SLC4A4: variants seen among roughly 807,000 people sequenced by gnomAD.
SLC4A4 encodes the protein electrogenic sodium bicarbonate cotransporter 1.
Under a neutral mutation model 111.5 loss-of-function variants are expected in SLC4A4, and 27 were observed. That is an observed-to-expected ratio of 0.24 (90% CI 0.18 to 0.33). SLC4A4 has a LOEUF of 0.33. SLC4A4 is among the 10% of genes least tolerant of loss of function. The probability of loss-of-function intolerance (pLI) is 1.00; values close to 1 mark genes in which losing one functional copy is unlikely to be tolerated. For missense variants in SLC4A4, 909 were observed against 1,315.5 expected (o/e 0.69, Z 4.78); for synonymous variants, 443 against 463.4 (o/e 0.96, Z 0.57).
chr4:71,239,065 C>G (rs922355485), intron 2 of SLC4A4, among the ~76,000 whole-genome samples: 6 of 152,150 alleles, frequency 3.9e-5, no homozygotes, highest in African/African-American at 1.4e-4. Flanking sequence ...ACTGTTATCT[C>G]TATTCTAAAG....
intron 1 of SLC4A4, among the ~76,000 whole-genome samples, chr4:71,207,492 C>T (rs188740409): frequency 6.6e-6 from 1 of 152,274 alleles, no homozygotes; most frequent in Admixed American, 6.5e-5. Flanking sequence ...ACTATGATTT[C>T]CCAACATTTG....
chr4:71,263,131 T>A (rs187266237), intron 3 of SLC4A4, among the ~76,000 whole-genome samples: 166 of 151,466 alleles, frequency 1.1e-3, no homozygotes, highest in Admixed American at 1.8e-3. Flanking sequence ...ACAATCCTTC[T>A]ATTGCTCATC....
At chr4:71,204,373 T>C (rs1433354072) in intron 1 of SLC4A4, among the ~76,000 whole-genome samples, 2 of 152,156 alleles carry the variant, frequency 1.3e-5, no homozygotes, top group Non-Finnish European at 2.9e-5. Context: ...TTGATTTTTA[T>C]TTTTAGAGGT....
At chr4:71,508,952 T>C (rs115192654) in intron 16 of SLC4A4, among the ~76,000 whole-genome samples, 1,570 of 152,260 alleles carry the variant, frequency 0.01, 21 homozygotes, top group Non-Finnish European at 0.015. Flanking sequence ...GTTCAACATA[T>C]ACAAATCAAG....
In SLC4A4 at chr4:71,089,694, G is replaced by A. The variant is rs562381303; in HGVS notation, c.-64-3036G>A. 7.2e-5 allele frequency among the ~76,000 whole-genome samples: 11 copies of A among 152,064 alleles called. No individual in the cohort carries two copies. The East Asian group carries it at 7.7e-4, about 11-fold the overall frequency. ...CCCTGTTTGCCTAGGTATCTGCAGC[G>A]GAGGCTGCAGAACAGTGGATATTGG... On this transcript the variant is annotated intron_variant, in intron 1 of 26. Transcript: ENST00000649996.
chr4:71,460,946 T>C (rs541541795), intron 12 of SLC4A4, among the ~76,000 whole-genome samples: 1 of 152,260 alleles, frequency 6.6e-6, no homozygotes, highest in South Asian at 2.1e-4. Flanking sequence ...GAATCATTTC[T>C]CCACTTATTT....
At chr4:71,091,917 C>A (rs1742403217) in intron 1 of SLC4A4, among the ~76,000 whole-genome samples, 1 of 152,274 alleles carries the variant, frequency 6.6e-6, no homozygotes, top group South Asian at 2.1e-4. Context: ...CATATTAAAT[C>A]TTTGAGAACT....
At chr4:71,309,811 CA>C (rs1408415412) in intron 3 of SLC4A4, among the ~76,000 whole-genome samples, 2 of 151,962 alleles carry the variant, frequency 1.3e-5, no homozygotes, top group Non-Finnish European at 2.9e-5. Context: ...AGCAAGGGCA[CA>C]AAATGGGACA....
intron 2 of SLC4A4, among the ~76,000 whole-genome samples, chr4:71,164,320 G>C (rs1357555725): frequency 6.6e-6 from 1 of 151,066 alleles, no homozygotes; most frequent in Non-Finnish European, 1.5e-5. Flanking sequence ...GGTGGAGGTT[G>C]TAGGGAGCCG....
intron 2 of SLC4A4, among the ~76,000 whole-genome samples, chr4:71,146,128 A>G (rs2148969172): frequency 6.6e-6 from 1 of 152,332 alleles, no homozygotes; most frequent in East Asian, 1.9e-4. Flanking sequence ...AATGTGTCCC[A>G]GAGATTCTGG....
chr4:71,136,428 C>T (rs1297796822), intron 2 of SLC4A4, among the ~76,000 whole-genome samples: 3 of 152,128 alleles, frequency 2.0e-5, no homozygotes, highest in Non-Finnish European at 2.9e-5. Flanking sequence ...TAATTTTTGC[C>T]CTTTAGTGAC....
At chr4:71,096,556 A>T (rs34721780) in intron 2 of SLC4A4, among the ~76,000 whole-genome samples, 12,782 of 152,274 alleles carry the variant, frequency 0.084, 623 homozygotes, top group South Asian at 0.15. Context: ...TGCAATATTT[A>T]AAAAAATCGT....
At chr4:71,268,072 A>C (rs1203701331) in intron 3 of SLC4A4, among the ~76,000 whole-genome samples, 1 of 50,988 alleles carries the variant, frequency 2.0e-5, no homozygotes, top group African/African-American at 5.4e-5. Flanking sequence ...CAAATAAAGT[A>C]GTGTTTTTTT....
At chr4:71,382,031 G>A (rs1718191980) in intron 6 of SLC4A4, among the ~76,000 whole-genome samples, 8 of 152,122 alleles carry the variant, frequency 5.3e-5, no homozygotes, top group Admixed American at 5.2e-4. Context: ...CTGGAGAAAA[G>A]GCAGCTTAGT....
chr4:71,191,723 G>T (rs1038830948), intron 1 of SLC4A4, among the ~76,000 whole-genome samples: 1 of 152,134 alleles, frequency 6.6e-6, no homozygotes, highest in Non-Finnish European at 1.5e-5. Flanking sequence ...ACCAGTTTTA[G>T]CTACCATCTT....
At chr4:71,513,153 A>T (rs181218977) in intron 16 of SLC4A4, among the ~76,000 whole-genome samples, 1 of 151,234 alleles carries the variant, frequency 6.6e-6, no homozygotes, top group East Asian at 1.9e-4. Flanking sequence ...ATTAAATAGG[A>T]TTTTTTTTTC....
rs536432297 is a variant in SLC4A4 at position 71,451,137 on chromosome 4, C to A, written c.1209-51C>A. 1.9e-5 allele frequency: 22 copies of A among 1,185,402 alleles called. No individual in the cohort carries two copies. The African/African-American group carries it at 2.8e-4, about 15-fold the overall frequency. 73.4% of individuals were successfully genotyped at this position (1,185,402 alleles called of 1,614,324 possible). A position where few individuals can be genotyped will look rare whatever the true frequency, so the allele number is the denominator to read the frequency against. ...GCCAGAGCATGATACAGCTAAGAAG[C>A]GAATGAATAAAATAAACTAATATAC... On this transcript the variant is annotated intron_variant, in intron 10 of 25. Transcript: ENST00000264485.
intron 14 of SLC4A4, among the ~76,000 whole-genome samples, chr4:71,477,019 A>G (rs578018412): frequency 7.9e-5 from 12 of 151,898 alleles, no homozygotes; most frequent in African/African-American, 2.4e-4. Flanking sequence ...ACTGAAAAAT[A>G]TCCAATTGAA....
chr4:71,514,103 CTA>C (rs1732168045), intron 16 of SLC4A4, among the ~76,000 whole-genome samples: 3 of 151,980 alleles, frequency 2.0e-5, no homozygotes, highest in Middle Eastern at 6.8e-3. Context: ...GTCTTTTTTT[CTA>C]TTCTTGTCTG....
Sources: gnomAD v4.1 joint callset for allele counts (sites outside exome capture counted in the v4.1 genomes callset) on GRCh38, gnomAD v4.1.1 for gene constraint, MANE v1.5 for transcripts, NCBI Gene and HGNC (gene_info 2026-07-23, HGNC 2026-07-21) for gene names.